The following TGM2 variants were observed in gnomAD, a reference collection of about 807,000 sequenced individuals.
The protein encoded by TGM2 is transglutaminase 2.
A neutral mutation model predicts 75.6 loss-of-function variants in TGM2; 53 were observed. The observed-to-expected ratio is 0.70, with a 90% CI of 0.56 to 0.88. The LOEUF is 0.88. TGM2 is among the 40% of genes least tolerant of loss of function. The probability of loss-of-function intolerance (pLI) is 0.00; values close to 1 mark genes in which losing one functional copy is unlikely to be tolerated. For synonymous variants in TGM2, 374 were observed against 381.1 expected (o/e 0.98, Z 0.22); for missense variants, 842 against 928.5 (o/e 0.91, Z 1.21).
chr20:38,135,946 G>A (rs1218405104), intron 10 of TGM2, among the ~76,000 whole-genome samples: 2 of 152,168 alleles, frequency 1.3e-5, no homozygotes, highest in Admixed American at 1.3e-4. Context: ...TGTAACAGGC[G>A]AGCATGACCT....
chr20:38,156,266 T>C (rs2075186136), intron 2 of TGM2, among the ~76,000 whole-genome samples, 177 bp from the exon 3 acceptor site: 1 of 152,226 alleles, frequency 6.6e-6, no homozygotes. Flanking sequence ...AAAGGGGGGC[T>C]CAGAACCCCA....
intron 1 of TGM2, 24 bp from the exon 2 acceptor site, chr20:38,161,623 T>C: frequency 6.2e-7 from 1 of 1,614,076 alleles, no homozygotes; most frequent in Non-Finnish European, 8.5e-7. Context: ...AGGAGACGCA[T>C]GAGCCTCGGG....
At chr20:38,146,432 A>T in intron 6 of TGM2, 1 of 520,718 alleles carries the variant, frequency 1.9e-6, no homozygotes, top group Non-Finnish European at 3.5e-6. Context: ...TTTTTAACTC[A>T]AGTTAAAAAT....
chr20:38,139,439 T>C lies in TGM2; in HGVS notation c.1315A>G (p.Ile439Val). The C allele has an allele frequency of 1.2e-6, 2 of 1,614,216 alleles. No individual in the cohort carries two copies. The highest frequency in any genetic ancestry group is 2.2e-5 in the East Asian group (1 of 44,882). The stretch of plus-strand genomic sequence containing the variant: ...TCTGGGTATTTGTAGGTGTGGGTGA[T>C]ATCCTCCCGCTCGTCTCGGCCCACG... ...KSVGRDERED[I>V]THTYKYPEGS... The change falls in exon 9 of 13, where the codon ATC (isoleucine) becomes GTC (valine). Residue 439 changes from isoleucine to valine, a missense_variant. Ile to Val is a conservative substitution (Grantham distance 29). Coordinates refer to ENST00000361475, the MANE Select transcript of TGM2 (RefSeq NM_004613.4).
rs1213175727 is a variant in TGM2, at chr20:38,142,189, G to A, written c.870C>T (p.Cys290=). ...FAAVACTVLR[C]LGIPTRVVTN... ...TCACGACGCGGGTAGGGATGCCCAG[G>A]CACCTCAGCACTGTTGGAGAGGAGT... The change falls in exon 7 of 13, where the codon TGC becomes TGT. Residue 290 remains cysteine (C), a synonymous_variant. Transcript: ENST00000361475. 1 of 1,614,060 alleles carries A rather than the reference G, an allele frequency of 6.2e-7. No individual in the cohort carries two copies. The highest frequency in any genetic ancestry group is 8.5e-7 in the Non-Finnish European group (1 of 1,180,034).
At chr20:38,163,066 C>A (rs1460647593) in intron 1 of TGM2, among the ~76,000 whole-genome samples, 3 of 152,146 alleles carry the variant, frequency 2.0e-5, no homozygotes, top group Non-Finnish European at 4.4e-5. Flanking sequence ...CCCTTCCCCA[C>A]GGCCCAGCCC....
chr20:38,162,198 T>G (rs1373358785), intron 1 of TGM2, among the ~76,000 whole-genome samples: 1 of 152,244 alleles, frequency 6.6e-6, no homozygotes, highest in Non-Finnish European at 1.5e-5. Context: ...ACCAGCAGTA[T>G]CTACCTCCCA....
In TGM2 at chr20:38,143,345, C is replaced by A. The variant is rs548420341; in HGVS notation, c.860-1146G>T. On this transcript the variant is annotated intron_variant, in intron 6 of 12. Transcript: ENST00000361475. ...TCCATCTCTTTGTGCATTAGTGATG[C>A]CACTGAGGACTCATCATCATTCCCA... Among the ~76,000 whole-genome samples, 17 of 152,304 alleles carry A rather than the reference C, an allele frequency of 1.1e-4. No individual in the cohort carries two copies. The South Asian group carries it at 3.3e-3, about 30-fold the overall frequency.
rs1351644934 is a variant in TGM2 at position 38,138,370 on chromosome 20, C to T, written c.1358G>A (p.Arg453Lys). 6.8e-6 allele frequency: 11 copies of T among 1,613,920 alleles called. No homozygotes were observed. The highest frequency in any genetic ancestry group is 5.0e-5 in the Admixed American group (3 of 60,002). The change falls in exon 10 of 13, where the codon AGG (arginine) becomes AAG (lysine). Residue 453 changes from arginine to lysine, a missense_variant. Arg to Lys is a conservative substitution (Grantham distance 26). Coordinates refer to ENST00000361475, the MANE Select transcript of TGM2 (RefSeq NM_004613.4). ...YKYPEGSSEEREAFTRANHLN... is the reference protein window; with the variant it reads ...YKYPEGSSEEKEAFTRANHLN... ...GTGGTTCGCCCTTGTGAAGGCCTCC[C>T]TCTCCTCTGAGGACCCTGTAGGGGT...
In TGM2 at chr20:38,150,605, G is replaced by C. The variant is rs149842376; in HGVS notation, c.552+334C>G. On this transcript the variant is annotated intron_variant, in intron 4 of 12. Transcript: ENST00000361475. ...TGCCTAGCACACAGGGCTCACCCCA[G>C]CACAACTCCAAGTACTGCCTATTGT... Among the ~76,000 whole-genome samples the C allele has an allele frequency of 2.5e-3, 384 of 152,322 alleles. 1 individual carries two copies. The highest frequency in any genetic ancestry group is 8.8e-3 in the African/African-American group (365 of 41,568).
chr20:38,155,380 T>C (rs1600512943), intron 3 of TGM2, among the ~76,000 whole-genome samples: 1 of 152,300 alleles, frequency 6.6e-6, no homozygotes, highest in East Asian at 1.9e-4. Flanking sequence ...CTCACCCTGA[T>C]AACCAGCCTG....
intron 2 of TGM2, among the ~76,000 whole-genome samples, chr20:38,161,118 C>T (rs1194656209): frequency 6.6e-6 from 1 of 152,142 alleles, no homozygotes; most frequent in Admixed American, 6.5e-5. Context: ...GGATGGGATC[C>T]TGATCAACTT....
At chr20:38,164,908 T>A (rs2075294339) in intron 1 of TGM2, among the ~76,000 whole-genome samples, 1 of 152,210 alleles carries the variant, frequency 6.6e-6, no homozygotes, top group Admixed American at 6.5e-5. Context: ...CCCCACTGAC[T>A]GACTGAGGAC....
At chr20:38,167,070 C>T (rs1243996455), upstream of TGM2, among the ~76,000 whole-genome samples, 1 of 152,200 alleles carries the variant, frequency 6.6e-6, no homozygotes, top group South Asian at 2.1e-4. Context: ...ATCTAAATGA[C>T]CAAGTTTGGG....
upstream of TGM2, among the ~76,000 whole-genome samples, chr20:38,167,268 G>T (rs1156397947): frequency 2.0e-5 from 3 of 152,098 alleles, no homozygotes; most frequent in Non-Finnish European, 4.4e-5. Flanking sequence ...GGATGGGTTT[G>T]GCCTTTTCTA....
intron 10 of TGM2, among the ~76,000 whole-genome samples, chr20:38,137,571 T>C (rs1329763763): frequency 1.3e-5 from 2 of 152,220 alleles, no homozygotes; most frequent in South Asian, 2.1e-4. Context: ...GGATAGGCGG[T>C]GCAGACTCAG....
In TGM2 at chr20:38,130,324, G is replaced by A. The variant is rs2074811213; in HGVS notation, c.1959C>T (p.Asp653=). The A allele has an allele frequency of 1.9e-6, 3 of 1,608,112 alleles. No individual in the cohort carries two copies. The highest frequency in any genetic ancestry group is 2.5e-6 in the Non-Finnish European group (3 of 1,177,860). The part of the protein sequence containing the change: ...EAGEEVKVRM[D]LLPLHMGLHK... ...GGAGGCCCATGTGGAGCGGCAGCAG[G>A]TCCATTCTCACCTTAACTTCCTCCC... The change falls in exon 13 of 13, where the codon GAC becomes GAT. Residue 653 remains aspartate (D), a synonymous_variant. Transcript: ENST00000361475.
At chr20:38,146,941 C>A in intron 5 of TGM2, 47 bp from the exon 6 acceptor site, 1 of 1,588,730 alleles carries the variant, frequency 6.3e-7, no homozygotes, top group South Asian at 1.1e-5. Flanking sequence ...GATGGGGTGT[C>A]GGCTGTGCCG....
rs45438891 is a variant in TGM2 at position 38,146,705 on chromosome 20, C to T, written c.859+12G>A. Reference sequence around the variant, plus strand: ...CCAGGGCTCATGACCCACATCCCAGCGTGCAGCTCACCTGTGCAGGCCACG... The same window carrying T: ...CCAGGGCTCATGACCCACATCCCAGTGTGCAGCTCACCTGTGCAGGCCACG... On this transcript the variant is annotated intron_variant, in intron 6 of 12. Transcript: ENST00000361475. 1,189 of 1,612,804 alleles carry T rather than the reference C, an allele frequency of 7.4e-4. 7 individuals are homozygous for T. In the African/African-American group the frequency reaches 0.013, roughly 17 times the overall value.
Sources: gnomAD v4.1 joint callset for allele counts (sites outside exome capture counted in the v4.1 genomes callset) on GRCh38, gnomAD v4.1.1 for gene constraint, MANE v1.5 for transcripts, NCBI Gene and HGNC (gene_info 2026-07-23, HGNC 2026-07-21) for gene names.